The following ZMYND8 variants were observed in gnomAD, a reference collection of about 807,000 sequenced individuals.
The protein encoded by ZMYND8 is MYND-type zinc finger-containing chromatin reader ZMYND8.
ZMYND8 carries 37 observed loss-of-function variants against 140.8 expected under a neutral mutation model. The ratio of observed to expected loss-of-function variants is 0.26; its 90% CI spans 0.20 to 0.35. The LOEUF (loss-of-function observed/expected upper bound fraction) is 0.35. Among genes scored for constraint, ZMYND8 ranks in the 10% least tolerant of loss-of-function variants. ZMYND8 has a pLI of 1.00. For missense variants in ZMYND8, 1,068 were observed against 1,570.0 expected (o/e 0.68, Z 5.40); for synonymous variants, 592 against 597.1 (o/e 0.99, Z 0.12).
intron 5 of ZMYND8, among the ~76,000 whole-genome samples, chr20:47,293,164 G>C (rs183949447): frequency 1.3e-3 from 30 of 22,424 alleles, no homozygotes; most frequent in Middle Eastern, 0.016. Context: ...GGGAGGGAGG[G>C]AGGGAGGGAG....
chr20:47,247,772 G>C (rs1354622270), intron 13 of ZMYND8, among the ~76,000 whole-genome samples: 2 of 152,338 alleles, frequency 1.3e-5, no homozygotes, highest in Non-Finnish European at 2.9e-5. Flanking sequence ...TGGGGGATCA[G>C]CTGGATCATT....
chr20:47,293,953 T>A (rs1180443907), intron 5 of ZMYND8, among the ~76,000 whole-genome samples: 1 of 152,116 alleles, frequency 6.6e-6, no homozygotes, highest in African/African-American at 2.4e-5. Flanking sequence ...ACCCCCCTTC[T>A]CCTGCTGCCA....
intron 2 of ZMYND8, chr20:47,319,907 G>A (rs2079774623): frequency 6.8e-6 from 1 of 146,474 alleles, no homozygotes; most frequent in African/African-American, 2.5e-5. Flanking sequence ...TCCAACATGT[G>A]TACATGAGGC....
chr20:47,343,416 C>G (rs2148558320), intron 2 of ZMYND8, among the ~76,000 whole-genome samples: 1 of 152,218 alleles, frequency 6.6e-6, no homozygotes, highest in South Asian at 2.1e-4. Flanking sequence ...GGATTACAAC[C>G]CACAGTATAA....
chr20:47,267,350 G>A (rs2147651106), intron 11 of ZMYND8, among the ~76,000 whole-genome samples: 1 of 152,262 alleles, frequency 6.6e-6, no homozygotes, highest in East Asian at 1.9e-4. Context: ...CAGAGGTGGT[G>A]GCTGCACAGC....
intron 3 of ZMYND8, among the ~76,000 whole-genome samples, chr20:47,306,654 G>T (rs970035389): frequency 4.1e-5 from 6 of 147,836 alleles, no homozygotes; most frequent in African/African-American, 1.3e-4. Context: ...CACTGCAACC[G>T]CTGCCTCCCG....
intron 12 of ZMYND8, among the ~76,000 whole-genome samples, chr20:47,252,225 G>A (rs1238481984): frequency 3.4e-5 from 5 of 147,552 alleles, no homozygotes; most frequent in African/African-American, 5.0e-5. Flanking sequence ...CCCAGGAGGC[G>A]AAGGTTGCAG....
At chr20:47,337,305 T>C (rs1224253073) in intron 2 of ZMYND8, among the ~76,000 whole-genome samples, 3 of 151,992 alleles carry the variant, frequency 2.0e-5, no homozygotes, top group African/African-American at 4.8e-5. Flanking sequence ...TAAGCCGAGA[T>C]AGGCACTCCA....
intron 17 of ZMYND8, among the ~76,000 whole-genome samples, chr20:47,228,463 G>A (rs201944150): frequency 1.6e-4 from 25 of 152,126 alleles, no homozygotes; most frequent in Non-Finnish European, 1.0e-4. Flanking sequence ...CAGACCCCAG[G>A]TTTCAGGTGA....
intron 2 of ZMYND8, chr20:47,319,980 A>G (rs901305233): frequency 1.3e-5 from 2 of 151,968 alleles, no homozygotes; most frequent in Admixed American, 6.6e-5. Flanking sequence ...TGGCCTTTAC[A>G]TTGTGGCTGG....
chr20:47,307,862 G>T (rs2078618843), intron 3 of ZMYND8, among the ~76,000 whole-genome samples: 1 of 151,726 alleles, frequency 6.6e-6, no homozygotes, highest in Non-Finnish European at 1.5e-5. Context: ...GCTCACGCCT[G>T]TAATCCCATC....
At chr20:47,272,319 C>T (rs998767870) in intron 11 of ZMYND8, among the ~76,000 whole-genome samples, 2 of 152,028 alleles carry the variant, frequency 1.3e-5, no homozygotes, top group African/African-American at 2.4e-5. Flanking sequence ...CCTCGTGATC[C>T]GCTTGTCTCG....
In ZMYND8 at chr20:47,335,286, G is replaced by T. The variant is rs577157482; in HGVS notation, c.85+12570C>A. On this transcript the variant is annotated intron_variant, in intron 2 of 22. Coordinates refer to ENST00000471951, the MANE Select transcript of ZMYND8 (RefSeq NM_001281775.3). ...AAAAAAGGAGAATTGTATGGTATGT[G>T]AATTATATGTCAATAAAGGTATTTT... Among the ~76,000 whole-genome samples, 4 of 152,106 alleles carry T rather than the reference G, an allele frequency of 2.6e-5. No homozygotes were observed. In the South Asian group the frequency reaches 8.3e-4, roughly 32 times the overall value.
intron 12 of ZMYND8, among the ~76,000 whole-genome samples, chr20:47,251,356 C>A (rs1169532041): frequency 1.3e-5 from 2 of 152,048 alleles, no homozygotes; most frequent in African/African-American, 4.8e-5. Context: ...GAGGCAGAGG[C>A]AGGAGGATTG....
chr20:47,314,008 T>C (rs1184617927), intron 2 of ZMYND8, among the ~76,000 whole-genome samples: 2 of 152,138 alleles, frequency 1.3e-5, no homozygotes, highest in Non-Finnish European at 2.9e-5. Context: ...AGATTTAATA[T>C]ACACATCAAT....
chr20:47,254,458 CAGTA>C (rs945326663), intron 12 of ZMYND8, among the ~76,000 whole-genome samples: 4 of 152,174 alleles, frequency 2.6e-5, no homozygotes, highest in African/African-American at 4.8e-5. Flanking sequence ...AGCGTAGCGT[CAGTA>C]AGTAAGGCGC....
intron 11 of ZMYND8, among the ~76,000 whole-genome samples, chr20:47,269,148 G>A (rs13040581): frequency 0.093 from 14,132 of 152,220 alleles, 794 homozygotes; most frequent in Admixed American, 0.13. Context: ...GCAGTGAGCC[G>A]AGATCATGCC....
chr20:47,329,647 A>AC (rs1033622550), intron 2 of ZMYND8, among the ~76,000 whole-genome samples: 4 of 151,816 alleles, frequency 2.6e-5, no homozygotes, highest in Admixed American at 2.6e-4. Flanking sequence ...CAGGTGATCC[A>AC]CCCACCTTGC....
chr20:47,212,065 C>A (rs1600822594), intron 22 of ZMYND8, among the ~76,000 whole-genome samples: 1 of 152,306 alleles, frequency 6.6e-6, no homozygotes, highest in South Asian at 2.1e-4. Flanking sequence ...CTTCTTATGC[C>A]TTCTTCCCTT....
Sources: gnomAD v4.1 joint callset for allele counts (sites outside exome capture counted in the v4.1 genomes callset) on GRCh38, gnomAD v4.1.1 for gene constraint, MANE v1.5 for transcripts, NCBI Gene and HGNC (gene_info 2026-07-23, HGNC 2026-07-21) for gene names.